The following VIRMA variants were observed in gnomAD, a reference collection of about 807,000 sequenced individuals.
The protein encoded by VIRMA is protein virilizer homolog.
Under a neutral mutation model 182.4 loss-of-function variants are expected in VIRMA, and 65 were observed. The observed-to-expected ratio is 0.36, with a 90% CI of 0.29 to 0.44. The LOEUF (loss-of-function observed/expected upper bound fraction) is 0.44, where lower values mean the gene tolerates loss of function less well. Among genes scored for constraint, VIRMA ranks in the 20% least tolerant of loss-of-function variants. The probability of loss-of-function intolerance (pLI) is 1.00; values close to 1 mark genes in which losing one functional copy is unlikely to be tolerated. For missense variants in VIRMA, 1,752 were observed against 2,158.1 expected, an observed-to-expected ratio of 0.81 and a Z score of 3.73; for synonymous variants, 709 against 743.1, an observed-to-expected ratio of 0.95 and a Z score of 0.75.
intron 1 of VIRMA, among the ~76,000 whole-genome samples, chr8:94,544,749 T>C (rs1204864496): frequency 6.6e-6 from 1 of 151,266 alleles, no homozygotes; most frequent in Non-Finnish European, 1.5e-5. Flanking sequence ...GAATTCAGGG[T>C]AGGGTTTTGT....
In VIRMA at chr8:94,491,655, C is replaced by A; in HGVS notation, c.5063G>T (p.Gly1688Val). Residue 1688 changes from glycine (G) to valine (V), a missense_variant, in exon 22 of 24, where the codon GGT (glycine) becomes GTT (valine). By Grantham distance (109) the Gly-to-Val change is moderately radical (BLOSUM62 -3). This residue lies in a region of VIRMA where 132 missense variants were observed against 173.8 expected (regional missense o/e 0.76). Coordinates refer to ENST00000297591, the MANE Select transcript of VIRMA (RefSeq NM_015496.5). The stretch of plus-strand genomic sequence containing the variant: ...TCCTCCTCTATTGCCTGAAAACCCA[C>A]CACGGGAAGAAATCTTCTGTGATAC... The part of the protein sequence containing the change: ...LKVSQKISSR[G>V]GFSGNRGGRG... 6.2e-7 allele frequency: 1 copy of A among 1,614,206 alleles called. No individual in the cohort carries two copies. Among genetic ancestry groups the A allele is most frequent in the Non-Finnish European group, 8.5e-7 (1 of 1,180,038 alleles).
chr8:94,493,064 G>A (rs1306067179), intron 20 of VIRMA, among the ~76,000 whole-genome samples: 1 of 152,038 alleles, frequency 6.6e-6, no homozygotes, highest in Non-Finnish European at 1.5e-5. Context: ...ATTAATCTAG[G>A]AGAACTTTGA....
chr8:94,553,362 A>G (rs1381042672), intron 1 of VIRMA, 23 bp downstream of exon 1: 2 of 1,611,552 alleles, frequency 1.2e-6, no homozygotes, highest in Non-Finnish European at 1.7e-6. Flanking sequence ...AAGCAGCGTC[A>G]GAATCAAGTC....
chr8:94,538,065 A>G (rs1167424440), intron 3 of VIRMA, among the ~76,000 whole-genome samples, 195 bp downstream of exon 3: 1 of 152,376 alleles, frequency 6.6e-6, no homozygotes, highest in Non-Finnish European at 1.5e-5. Flanking sequence ...TATTTCACAC[A>G]TTTAAATTTT....
chr8:94,528,999 T>C, intron 7 of VIRMA, 71 bp downstream of exon 7: 9 of 1,560,172 alleles, frequency 5.8e-6, no homozygotes, highest in Non-Finnish European at 7.8e-6. Flanking sequence ...GAAATTCTTT[T>C]GCATTTTTCA....
rs947078421 is a variant in VIRMA, at chr8:94,527,117, G to A, written c.1127C>T (p.Ser376Leu). 1.5e-5 allele frequency: 25 copies of A among 1,613,992 alleles called. No individual in the cohort carries two copies. The Admixed American group carries it at 2.0e-4, about 13-fold the overall frequency. The change falls in exon 8 of 24, where the codon TCA becomes TTA. Residue 376 changes from serine to leucine, a missense_variant. By Grantham distance (145) the Ser-to-Leu change is moderately radical. Transcript: ENST00000297591. ...CTTCACTGAGGCTTCGATTGCCCCT[G>A]AATTTTCTTTATCTGGACCTTGATC... ...MKDQGPDKENSGAIEASVKLT... is the reference protein window; with the variant it reads ...MKDQGPDKENLGAIEASVKLT...
At chr8:94,491,994 C>CA (rs1813618101) in intron 21 of VIRMA, 85 bp from the exon 22 acceptor site, 3 of 1,100,788 alleles carry the variant, frequency 2.7e-6, no homozygotes, top group South Asian at 3.9e-5. Flanking sequence ...AATTATATTT[C>CA]AGTTTTTTTG....
chr8:94,497,870 G>C (rs547173679), intron 17 of VIRMA: 1 of 152,566 alleles, frequency 6.6e-6, no homozygotes, highest in African/African-American at 2.4e-5. Flanking sequence ...AATTAGCCGG[G>C]TGTGATGGTG....
In VIRMA at chr8:94,511,282, A is replaced by C; in HGVS notation, c.3293T>G (p.Val1098Gly). ...NNTWSLMLKEVLSSILKVPEG... is the reference protein window; with the variant it reads ...NNTWSLMLKEGLSSILKVPEG... ...AGGAACCTTCAAGATTGAAGAAAGA[A>C]CTTCTTTTAACATTAAAGACCAAGT... Residue 1098 changes from valine to glycine, a missense_variant, in exon 13 of 24, where the codon GTT becomes GGT. This residue lies in a region of VIRMA where 777 missense variants were observed against 920.6 expected (regional missense o/e 0.84). Coordinates refer to ENST00000297591, the MANE Select transcript of VIRMA (RefSeq NM_015496.5). 1 of 1,613,970 alleles carries C rather than the reference A, an allele frequency of 6.2e-7. No homozygotes were observed. The highest frequency in any genetic ancestry group is 8.5e-7 in the Non-Finnish European group (1 of 1,179,958).
In VIRMA at chr8:94,533,168, T is replaced by TA. The variant is rs545782345; in HGVS notation, c.484+1670dup. The stretch of plus-strand genomic sequence containing the variant: ...ATCCACAAGGAGCTCACGGTTTGGT[T>TA]AAAAAAAAAAAAGCACAGAAAAATG... On this transcript the variant is annotated intron_variant, in intron 5 of 23. Transcript: ENST00000297591. 6.2e-3 allele frequency among the ~76,000 whole-genome samples: 827 copies of TA among 133,810 alleles called. 10 individuals carry two copies. Among genetic ancestry groups the TA allele is most frequent in the African/African-American group, 0.021 (752 of 36,346 alleles). The allele number at this position is 133,810 out of a possible 152,430, so 87.8% of individuals were successfully genotyped here.
intron 20 of VIRMA, 51 bp downstream of exon 20, chr8:94,494,805 TAAAG>T: frequency 9.4e-7 from 1 of 1,068,834 alleles, no homozygotes; most frequent in Middle Eastern, 2.2e-4. Context: ...TAACAATATA[TAAAG>T]AAACAGAAAA....
At chr8:94,513,505 T>C (rs1284560554) in intron 11 of VIRMA, among the ~76,000 whole-genome samples, 1 of 151,820 alleles carries the variant, frequency 6.6e-6, no homozygotes, top group Admixed American at 6.6e-5. Context: ...ATTCCACAAA[T>C]TACATAAGGC....
At chr8:94,490,672 C>A (rs1252922213) in intron 22 of VIRMA, among the ~76,000 whole-genome samples, 1 of 151,782 alleles carries the variant, frequency 6.6e-6, no homozygotes, top group Non-Finnish European at 1.5e-5. Context: ...CATGGTGAGA[C>A]CCCGTCTCTA....
At chr8:94,549,949 C>T (rs10441536) in intron 1 of VIRMA, among the ~76,000 whole-genome samples, 6,068 of 152,058 alleles carry the variant, frequency 0.04, 132 homozygotes, top group Non-Finnish European at 0.05. Context: ...ATATGAAAAT[C>T]AGCCAGGCGT....
chr8:94,503,778 A>G (rs1464022449), intron 16 of VIRMA, among the ~76,000 whole-genome samples: 4 of 152,142 alleles, frequency 2.6e-5, no homozygotes, highest in African/African-American at 7.2e-5. Context: ...TGAAAGTCTA[A>G]AATTATCTCC....
chr8:94,492,873 A>G, intron 20 of VIRMA, 55 bp from the exon 21 acceptor site: 2 of 1,364,932 alleles, frequency 1.5e-6, no homozygotes, highest in East Asian at 4.7e-5. Flanking sequence ...TTAGCATAAC[A>G]TTTGACTACA....
chr8:94,509,615 G>A, intron 15 of VIRMA, 73 bp downstream of exon 15: 3 of 1,438,150 alleles, frequency 2.1e-6, no homozygotes, highest in East Asian at 2.4e-5. Flanking sequence ...TTTACATCAA[G>A]ATGCTTAAAT....
intron 8 of VIRMA, among the ~76,000 whole-genome samples, chr8:94,525,507 A>G (rs1315960493): frequency 1.3e-5 from 2 of 152,242 alleles, no homozygotes; most frequent in East Asian, 1.9e-4. Context: ...AGGAACTTGG[A>G]TAAGTGGAGG....
intron 16 of VIRMA, among the ~76,000 whole-genome samples, chr8:94,504,439 C>T (rs3102843): frequency 0.11 from 17,319 of 152,166 alleles, 1,407 homozygotes; most frequent in East Asian, 0.23. Context: ...TTTTGTTCCT[C>T]ACCTCTTTCA....
Sources: gnomAD v4.1 joint callset for allele counts (sites outside exome capture counted in the v4.1 genomes callset) on GRCh38, gnomAD v4.1.1 for gene constraint, gnomAD v4.1.1 regional missense constraint, MANE v1.5 for transcripts, NCBI Gene and HGNC (gene_info 2026-07-23, HGNC 2026-07-21) for gene names.